The following DPP10 variants were observed in gnomAD, a reference collection of about 807,000 sequenced individuals.
The protein encoded by DPP10 is dipeptidyl peptidase like 10.
DPP10 carries 33 observed loss-of-function variants against 120.9 expected under a neutral mutation model. The ratio of observed to expected loss-of-function variants is 0.27; its 90% CI spans 0.21 to 0.37. The LOEUF (loss-of-function observed/expected upper bound fraction) is 0.37, where lower values mean the gene tolerates loss of function less well. Among genes scored for constraint, DPP10 ranks in the 10% least tolerant of loss-of-function variants. The pLI, the probability that DPP10 is intolerant of heterozygous loss-of-function variation, is 1.00. For synonymous variants in DPP10, 337 were observed against 326.1 expected (o/e 1.03, Z -0.36); for missense variants, 816 against 942.8 (o/e 0.87, Z 1.76).
intron 3 of DPP10, among the ~76,000 whole-genome samples, chr2:115,355,877 G>A (rs1052922313): frequency 1.3e-5 from 2 of 152,006 alleles, no homozygotes; most frequent in African/African-American, 2.4e-5. Flanking sequence ...GATGTGTGGT[G>A]TTATTTCTGA....
At position 115,134,491 on chromosome 2, in the gene DPP10, G is replaced by C. The variant is rs114781867; in HGVS notation, c.61-174748G>C. ...ACATTTAGATGGGAAAACTGAGTGA[G>C]GAGGAAGTCAGGTATGTTTCCTGGC... On this transcript the variant is annotated intron_variant, in intron 1 of 25. Coordinates refer to ENST00000410059, the MANE Select transcript of DPP10 (RefSeq NM_020868.6). 3.1e-3 allele frequency among the ~76,000 whole-genome samples: 476 copies of C among 152,250 alleles called. 2 individuals carry two copies. The highest frequency in any genetic ancestry group is 4.9e-3 in the Non-Finnish European group (331 of 68,030).
At chr2:115,654,401 A>G (rs536558628) in intron 5 of DPP10, among the ~76,000 whole-genome samples, 300 of 152,012 alleles carry the variant, frequency 2.0e-3, no homozygotes, top group African/African-American at 7.0e-3. Flanking sequence ...ATGTCAATAG[A>G]TACAGGTATT....
At chr2:115,770,898 G>A (rs1575732576) in intron 13 of DPP10, among the ~76,000 whole-genome samples, 1 of 151,790 alleles carries the variant, frequency 6.6e-6, no homozygotes. Flanking sequence ...CCTAAAGATT[G>A]CAATTAAAGC....
chr2:114,780,130 C>CT (rs1682180448), intron 1 of DPP10, among the ~76,000 whole-genome samples: 1 of 149,720 alleles, frequency 6.7e-6, no homozygotes, highest in Non-Finnish European at 1.5e-5. Flanking sequence ...AGCGAGACTG[C>CT]GTCTCAAAAA....
intron 1 of DPP10, among the ~76,000 whole-genome samples, chr2:115,268,134 A>G (rs192904031): frequency 6.6e-6 from 1 of 152,308 alleles, no homozygotes; most frequent in Admixed American, 6.5e-5. Flanking sequence ...TCATTGTTGT[A>G]TCCGTATTTG....
chr2:114,916,519 C>A (rs890199326), intron 1 of DPP10, among the ~76,000 whole-genome samples: 6 of 151,946 alleles, frequency 3.9e-5, no homozygotes, highest in Non-Finnish European at 7.4e-5. Flanking sequence ...GACACAAGAA[C>A]AACAGCAAAA....
Position 114,938,729 on chromosome 2 carries a change from C to CT in DPP10, c.61-370492dup, listed in dbSNP as rs5833569. ...CAAATTGCCCATTTACACTTTGTCC[C>CT]TTTTTTTTTTTTTTTTTTGGTCAGA... On this transcript the variant is annotated intron_variant, in intron 1 of 25. Coordinates refer to ENST00000410059, the MANE Select transcript of DPP10 (RefSeq NM_020868.6). Among the ~76,000 whole-genome samples, 141 of 102,550 alleles carry CT rather than the reference C, an allele frequency of 1.4e-3. No homozygotes were observed. In the Middle Eastern group the frequency reaches 0.016, roughly 11 times the overall value. 67.3% of individuals were successfully genotyped at this position (102,550 alleles called of 152,430 possible).
rs1048789039 is a variant in DPP10 at position 114,683,374 on chromosome 2, G to A, written c.60+240536G>A. Among the ~76,000 whole-genome samples the A allele has an allele frequency of 3.3e-5, 5 of 151,776 alleles. No homozygotes were observed. In the East Asian group the frequency reaches 5.8e-4, roughly 18 times the overall value. On this transcript the variant is annotated intron_variant, in intron 1 of 25. Coordinates refer to ENST00000410059, the MANE Select transcript of DPP10 (RefSeq NM_020868.6). ...GTGGTCTTGTCAAAAAGTAAGTGAC[G>A]GAAATGGAATTCTCACCCAGGCCCA...
At chr2:115,075,984 C>A (rs1336555113) in intron 1 of DPP10, among the ~76,000 whole-genome samples, 2 of 152,042 alleles carry the variant, frequency 1.3e-5, no homozygotes, top group South Asian at 4.2e-4. Flanking sequence ...CACTCAGAAT[C>A]GAAAGACGTG....
intron 1 of DPP10, among the ~76,000 whole-genome samples, chr2:114,554,395 C>A (rs548969142): frequency 4.3e-4 from 65 of 152,328 alleles, no homozygotes; most frequent in African/African-American, 1.5e-3. Flanking sequence ...TCACCTTGGG[C>A]AGGTCTTGCC....
rs183087940 is a variant in DPP10, at chr2:115,389,409, G to T, written c.271+45497G>T. Among the ~76,000 whole-genome samples, 52 of 152,172 alleles carry T rather than the reference G, an allele frequency of 3.4e-4. No homozygotes were observed. In the East Asian group the frequency reaches 8.3e-3, roughly 24 times the overall value. On this transcript the variant is annotated intron_variant, in intron 3 of 25. Coordinates refer to ENST00000410059, the MANE Select transcript of DPP10 (RefSeq NM_020868.6). Reference sequence around the variant, plus strand: ...CTTTTATAAAAGTTAATTATTACTTGTATATTAATTTGTTTAATTTTGTTT... The same window carrying T: ...CTTTTATAAAAGTTAATTATTACTTTTATATTAATTTGTTTAATTTTGTTT...
At chr2:115,841,189 T>C (rs1057055133) in intron 25 of DPP10, among the ~76,000 whole-genome samples, 1 of 151,884 alleles carries the variant, frequency 6.6e-6, no homozygotes, top group Non-Finnish European at 1.5e-5. Flanking sequence ...TTTGTCTTTA[T>C]TATTAAATAT....
intron 5 of DPP10, among the ~76,000 whole-genome samples, chr2:115,612,001 T>C (rs1183837091): frequency 6.6e-6 from 1 of 152,112 alleles, no homozygotes; most frequent in East Asian, 1.9e-4. Flanking sequence ...TGATGATTAG[T>C]GAGAAAATAT....
At chr2:115,141,114 C>T (rs1015549144) in intron 1 of DPP10, among the ~76,000 whole-genome samples, 3 of 152,136 alleles carry the variant, frequency 2.0e-5, no homozygotes, top group Non-Finnish European at 4.4e-5. Flanking sequence ...TGGAAAAATA[C>T]TTAGAAATAT....
intron 1 of DPP10, chr2:114,463,283 C>A (rs1679081661): frequency 6.6e-6 from 1 of 152,122 alleles, no homozygotes; most frequent in Admixed American, 6.6e-5. Context: ...TAGTACTGTA[C>A]CACATGGATC....
At chr2:115,526,881 A>T (rs2078164130) in intron 5 of DPP10, among the ~76,000 whole-genome samples, 2 of 152,126 alleles carry the variant, frequency 1.3e-5, no homozygotes, top group African/African-American at 4.8e-5. Context: ...TTTATGCTGT[A>T]AAAGACAGAG....
intron 2 of DPP10, among the ~76,000 whole-genome samples, chr2:115,318,955 T>TAACA (rs1485650727): frequency 1.3e-5 from 2 of 152,156 alleles, no homozygotes; most frequent in Non-Finnish European, 2.9e-5. Flanking sequence ...CAATGCTGGA[T>TAACA]AACAATGGTA....
Position 115,676,459 on chromosome 2 carries a change from CA to C in DPP10, c.442-13220del, listed in dbSNP as rs981015203. Among the ~76,000 whole-genome samples, 47 of 149,244 alleles carry C rather than the reference CA, an allele frequency of 3.1e-4. 1 individual carries two copies. The highest frequency in any genetic ancestry group is 1.2e-3 in the East Asian group (6 of 5,088). On this transcript the variant is annotated intron_variant, in intron 5 of 25. Coordinates refer to ENST00000410059, the MANE Select transcript of DPP10 (RefSeq NM_020868.6). ...TGCACAGATATTAACATAGGAATAC[CA>C]AAAAAAATATGATTTAGAAATTCAA...
intron 3 of DPP10, among the ~76,000 whole-genome samples, chr2:115,440,533 A>T (rs1025512178): frequency 1.3e-5 from 2 of 152,212 alleles, no homozygotes; most frequent in African/African-American, 4.8e-5. Context: ...GAGATGAATC[A>T]AGAGTCCTTT....
Sources: allele counts gnomAD v4.1 joint callset (sites outside exome capture counted in the v4.1 genomes callset), GRCh38; gene constraint gnomAD v4.1.1; transcripts MANE v1.5; gene names NCBI Gene and HGNC (gene_info 2026-07-23, HGNC 2026-07-21).